Variants in RBFOX1 observed in about 807,000 individuals in gnomAD.
The protein encoded by RBFOX1 is RNA binding fox-1 homolog 1, also known as RNA binding protein fox-1 homolog 1.
Under a neutral mutation model 57.7 loss-of-function variants are expected in RBFOX1, and 8 were observed. That is an observed-to-expected ratio of 0.14 (90% CI 0.08 to 0.25). RBFOX1 has a LOEUF of 0.25. RBFOX1 is among the 10% of genes least tolerant of loss of function. The pLI is 1.00. For missense variants in RBFOX1, 611 were observed against 548.5 expected, an observed-to-expected ratio of 1.11 and a Z score of -1.14; for synonymous variants, 326 against 222.4, an observed-to-expected ratio of 1.47 and a Z score of -4.15.
intron 3 of RBFOX1, among the ~76,000 whole-genome samples, chr16:5,739,147 T>A (rs1400451123): frequency 6.6e-6 from 1 of 152,230 alleles, no homozygotes; most frequent in Non-Finnish European, 1.5e-5. Context: ...ACTTCTTGAG[T>A]GTAGGAACTG....
At chr16:5,366,672 G>T in intron 1 of RBFOX1, 1 of 426,466 alleles carries the variant, frequency 2.3e-6, no homozygotes, top group Non-Finnish European at 4.5e-6. Context: ...ATCTCTGGCA[G>T]TGGAGGAAGT....
Position 7,579,720 on chromosome 16 carries a change from C to A in RBFOX1, c.271-57C>A, listed in dbSNP as rs549041179. 1.1e-3 allele frequency: 1,801 copies of A among 1,601,620 alleles called. 7 individuals are homozygous for A. Among genetic ancestry groups the A allele is most frequent in the Non-Finnish European group, 1.4e-3 (1,667 of 1,170,348 alleles). On this transcript the variant is annotated intron_variant, in intron 5 of 15. Coordinates refer to ENST00000550418, the MANE Select transcript of RBFOX1 (RefSeq NM_018723.4). ...CCACTCATGGCAAGCAAAAGAGCAT[C>A]GGAAGAGAGCACTGTGGTCCACTGA...
chr16:7,348,488 A>G (rs1449414358), intron 4 of RBFOX1, among the ~76,000 whole-genome samples: 1 of 152,128 alleles, frequency 6.6e-6, no homozygotes, highest in Non-Finnish European at 1.5e-5. Flanking sequence ...TCCTTTCCAC[A>G]TGCCCCTTTG....
chr16:5,890,561 G>C (rs1444593568), intron 4 of RBFOX1, among the ~76,000 whole-genome samples: 2 of 152,004 alleles, frequency 1.3e-5, no homozygotes. Flanking sequence ...GCTGGGCGTG[G>C]TGGCTTGTGC....
At chr16:7,289,070 G>T (rs893214234) in intron 4 of RBFOX1, among the ~76,000 whole-genome samples, 1 of 152,140 alleles carries the variant, frequency 6.6e-6, no homozygotes, top group Admixed American at 6.5e-5. Flanking sequence ...ACATCCAACA[G>T]AGTTACCCAG....
chr16:7,077,043 A>G (rs1266643213), intron 4 of RBFOX1, among the ~76,000 whole-genome samples: 1 of 152,228 alleles, frequency 6.6e-6, no homozygotes, highest in Non-Finnish European at 1.5e-5. Context: ...AGGGCCATTT[A>G]GTTAGTGGAC....
chr16:7,125,378 T>G (rs1169503691), intron 4 of RBFOX1, among the ~76,000 whole-genome samples: 2 of 152,282 alleles, frequency 1.3e-5, no homozygotes, highest in East Asian at 3.9e-4. Flanking sequence ...GGCAAATCAA[T>G]AGATGGTTGA....
At chr16:5,570,002 A>C (rs140319853) in intron 2 of RBFOX1, among the ~76,000 whole-genome samples, 3 of 152,322 alleles carry the variant, frequency 2.0e-5, no homozygotes, top group Non-Finnish European at 2.9e-5. Flanking sequence ...TTAGGAGTGG[A>C]GTTTAGACTT....
intron 1 of RBFOX1, among the ~76,000 whole-genome samples, chr16:5,259,863 A>G (rs573766636): frequency 6.6e-6 from 1 of 152,148 alleles, no homozygotes; most frequent in Non-Finnish European, 1.5e-5. Context: ...CGTGGGGGCC[A>G]TTCTGACTTC....
intron 1 of RBFOX1, among the ~76,000 whole-genome samples, chr16:5,246,250 T>C (rs2062297311): frequency 6.6e-6 from 1 of 152,210 alleles, no homozygotes; most frequent in Admixed American, 6.5e-5. Flanking sequence ...TGTTTCAAAA[T>C]AAGTAAATAA....
intron 4 of RBFOX1, among the ~76,000 whole-genome samples, chr16:7,478,756 G>A (rs1029490098): frequency 2.2e-4 from 34 of 152,064 alleles, no homozygotes; most frequent in Admixed American, 2.6e-4. Context: ...AACTGACTCC[G>A]CTTATTGCTG....
intron 2 of RBFOX1, among the ~76,000 whole-genome samples, chr16:5,540,932 C>T (rs1256544798): frequency 6.6e-6 from 1 of 151,614 alleles, no homozygotes. Context: ...TCACTGCAAC[C>T]TCCACCTCCC....
At chr16:7,417,376 G>A (rs13339076) in intron 4 of RBFOX1, among the ~76,000 whole-genome samples, 91,856 of 133,780 alleles carry the variant, frequency 0.69, 31,147 homozygotes, top group East Asian at 0.88. Flanking sequence ...CTGTGTCAAA[G>A]AAAAAAAAAA....
intron 10 of RBFOX1, among the ~76,000 whole-genome samples, chr16:7,618,929 G>A (rs548216179): frequency 6.6e-6 from 1 of 152,296 alleles, no homozygotes; most frequent in South Asian, 2.1e-4. Flanking sequence ...AGTGGAAAAT[G>A]GAATTCCGCA....
intron 2 of RBFOX1, among the ~76,000 whole-genome samples, chr16:6,524,466 C>T (rs1050375501): frequency 2.0e-5 from 3 of 152,130 alleles, no homozygotes; most frequent in South Asian, 2.1e-4. Flanking sequence ...AACTCACTTT[C>T]GAAGCGTGTT....
chr16:6,804,420 A>G lies in RBFOX1; in HGVS notation c.-16+149770A>G, dbSNP rs375080139. Among the ~76,000 whole-genome samples the G allele has an allele frequency of 3.0e-4, 46 of 152,310 alleles. No individual in the cohort carries two copies. In the East Asian group the frequency reaches 6.6e-3, roughly 22 times the overall value. On this transcript the variant is annotated intron_variant, in intron 3 of 15. Transcript: ENST00000550418. ...TCTAGCCCTGCAGTATTTCAGGTCA[A>G]CAATAACTCTTTGCTGACTGAAGAT...
chr16:6,185,859 G>A (rs1257388831), intron 1 of RBFOX1, among the ~76,000 whole-genome samples: 2 of 152,086 alleles, frequency 1.3e-5, no homozygotes, highest in Non-Finnish European at 1.5e-5. Flanking sequence ...TTCTTTCCTT[G>A]ACATCCTAAA....
intron 1 of RBFOX1, among the ~76,000 whole-genome samples, chr16:5,394,721 G>A (rs907818181): frequency 1.3e-5 from 2 of 151,982 alleles, no homozygotes; most frequent in Non-Finnish European, 1.5e-5. Context: ...GCTAATTTTT[G>A]TATTTTTTGT....
intron 4 of RBFOX1, among the ~76,000 whole-genome samples, chr16:7,072,896 T>A (rs763051645): frequency 2.2e-4 from 33 of 152,184 alleles, no homozygotes; most frequent in Admixed American, 5.2e-4. Flanking sequence ...AGGAAGTAGC[T>A]GGAATTTGTG....
Sources: gnomAD v4.1 joint callset for allele counts (sites outside exome capture counted in the v4.1 genomes callset) on GRCh38, gnomAD v4.1.1 for gene constraint, MANE v1.5 for transcripts, NCBI Gene and HGNC (gene_info 2026-07-23, HGNC 2026-07-21) for gene names.